PRR14L: variants seen among roughly 807,000 people sequenced by gnomAD.
PRR14L encodes the protein proline rich 14 like.
In PRR14L, 80 loss-of-function variants were observed where a neutral mutation model predicts 155.0. That is an observed-to-expected ratio of 0.52 (90% CI 0.43 to 0.62). The LOEUF is 0.62. PRR14L is among the 20% of genes least tolerant of loss of function. The pLI is 0.00. For missense variants in PRR14L, 2,469 were observed against 2,548.0 expected (o/e 0.97, Z 0.67); for synonymous variants, 883 against 916.0 (o/e 0.96, Z 0.65).
intron 4 of PRR14L, among the ~76,000 whole-genome samples, chr22:31,708,930 G>A (rs2074606221): frequency 6.6e-6 from 1 of 151,922 alleles, no homozygotes; most frequent in South Asian, 2.1e-4. Context: ...GGGTTTAAGT[G>A]ATTCTCCTGC....
In PRR14L at chr22:31,713,717, C is replaced by A; in HGVS notation, c.4122G>T (p.Gln1374His). The part of the protein sequence containing the change: ...GDGDPVSNIS[Q>H]THFKCRGILN... ...GTATCCCCCGGCATTTAAAATGGGT[C>A]TGAGAGATGTTGCTCACGGGATCGC... Residue 1374 changes from glutamine to histidine, a missense_variant, in exon 4 of 9, where the codon CAG becomes CAT. This residue lies in a region of PRR14L where 2,363 missense variants were observed against 2,371.6 expected (regional missense o/e 1.00). Coordinates refer to ENST00000327423, the MANE Select transcript of PRR14L (RefSeq NM_173566.3). The A allele has an allele frequency of 6.4e-7, 1 of 1,552,316 alleles. No homozygotes were observed. The highest frequency in any genetic ancestry group is 8.7e-7 in the Non-Finnish European group (1 of 1,147,144).
chr22:31,703,907 C>A (rs777499925), intron 5 of PRR14L, among the ~76,000 whole-genome samples, 186 bp from the exon 6 acceptor site: 1 of 151,808 alleles, frequency 6.6e-6, no homozygotes, highest in East Asian at 1.9e-4. Flanking sequence ...AAGCAATTCT[C>A]CTGCCTCAGC....
At chr22:31,695,533 C>G (rs1031846389) in intron 7 of PRR14L, among the ~76,000 whole-genome samples, 1 of 152,184 alleles carries the variant, frequency 6.6e-6, no homozygotes, top group Non-Finnish European at 1.5e-5. Context: ...GGCTTCCCAA[C>G]ACGCATAGGG....
chr22:31,749,114 T>A (rs1188084593), intron 1 of PRR14L, among the ~76,000 whole-genome samples: 1 of 152,244 alleles, frequency 6.6e-6, no homozygotes. Context: ...AACTAGTATT[T>A]ACACAAATGC....
In PRR14L at chr22:31,725,591, G is replaced by A. The variant is rs766179162; in HGVS notation, c.494C>T (p.Ser165Phe). 2.6e-6 allele frequency: 4 copies of A among 1,550,670 alleles called. No individual in the cohort carries two copies. The highest frequency in any genetic ancestry group is 1.7e-4 in the Middle Eastern group (1 of 5,990). Residue 165 changes from serine to phenylalanine, a missense_variant, in exon 3 of 9, where the codon TCC (serine) becomes TTC (phenylalanine). Physicochemically the swap from Ser to Phe is radical, Grantham distance 155. This residue lies in a region of PRR14L where 2,363 missense variants were observed against 2,371.6 expected (regional missense o/e 1.00). Coordinates refer to ENST00000327423, the MANE Select transcript of PRR14L (RefSeq NM_173566.3). ...SPSQEDLLMQ[S>F]SKELSHVDLP... ...GTCCACATGTGAAAGTTCTTTGCTG[G>A]ACTGCATCAGGAGATCCTCCTACAG...
chr22:31,717,927 T>C (rs2074669003), intron 3 of PRR14L, among the ~76,000 whole-genome samples: 1 of 132,200 alleles, frequency 7.6e-6, no homozygotes, highest in African/African-American at 3.0e-5. Flanking sequence ...CCCCAGCTAA[T>C]TTTTTTTTTT....
chr22:31,718,051 C>T (rs1443361315), intron 3 of PRR14L, among the ~76,000 whole-genome samples: 1 of 151,522 alleles, frequency 6.6e-6, no homozygotes, highest in African/African-American at 2.4e-5. Flanking sequence ...CTTCAGCCTC[C>T]TGAGTAGCTG....
In PRR14L at chr22:31,715,006, A is replaced by G; in HGVS notation, c.2833T>C (p.Ser945Pro). Residue 945 changes from serine (S) to proline (P), a missense_variant, in exon 4 of 9, where the codon TCT (serine) becomes CCT (proline). Ser to Pro is a moderately conservative substitution (Grantham distance 74). Coordinates refer to ENST00000327423, the MANE Select transcript of PRR14L (RefSeq NM_173566.3). ...IPGPEKVLDQSPTVMFSSFKN... is the reference protein window; with the variant it reads ...IPGPEKVLDQPPTVMFSSFKN... ...AAACTGGAGAACATAACAGTAGGAG[A>G]CTGGTCCAACACTTTTTCAGGACCT... The G allele has an allele frequency of 1.9e-6, 3 of 1,552,058 alleles. No homozygotes were observed.
chr22:31,723,512 A>G lies in PRR14L; in HGVS notation c.547+2026T>C, dbSNP rs573441157. ...GGTAAGATGTGGGTGAAAATATACCAAAGACTGAATACAGCAATACTGGAG... is the reference window on the plus strand; with the variant it reads ...GGTAAGATGTGGGTGAAAATATACCGAAGACTGAATACAGCAATACTGGAG... On this transcript the variant is annotated intron_variant, in intron 3 of 8. Coordinates refer to ENST00000327423, the MANE Select transcript of PRR14L (RefSeq NM_173566.3). Among the ~76,000 whole-genome samples, 13 of 152,348 alleles carry G rather than the reference A, an allele frequency of 8.5e-5. No homozygotes were observed. In the East Asian group the frequency reaches 2.3e-3, roughly 27 times the overall value.
At chr22:31,709,791 G>A (rs992926083) in intron 4 of PRR14L, among the ~76,000 whole-genome samples, 8 of 150,558 alleles carry the variant, frequency 5.3e-5, no homozygotes, top group Admixed American at 1.3e-4. Context: ...TCTGCCGGCC[G>A]CAGCCTCCCA....
At position 31,715,735 on chromosome 22, in the gene PRR14L, C is replaced by G. The variant is rs2074654662; in HGVS notation, c.2104G>C (p.Ala702Pro). 6.4e-7 allele frequency: 1 copy of G among 1,552,230 alleles called. No homozygotes were observed. The highest frequency in any genetic ancestry group is 8.7e-7 in the Non-Finnish European group (1 of 1,147,096). The change falls in exon 4 of 9, where the codon GCT (alanine) becomes CCT (proline). Residue 702 changes from alanine (A) to proline (P), a missense_variant. By Grantham distance (27) the Ala-to-Pro change is conservative (BLOSUM62 -1). Transcript: ENST00000327423. Reference sequence around the variant, plus strand: ...TGAATGGGAATGGTTTGTATATCAGCAATGACATCTGCTCTACCCTCTAAT... The same window carrying G: ...TGAATGGGAATGGTTTGTATATCAGGAATGACATCTGCTCTACCCTCTAAT... ...PPLEGRADVIADIQTIPIQTK... is the reference protein window; with the variant it reads ...PPLEGRADVIPDIQTIPIQTK...
chr22:31,733,484 TA>T lies in PRR14L; in HGVS notation c.474+4902del, dbSNP rs1369794691. ...TGCGCCCAGCTGATTTCTGTATTTT[TA>T]GTAGAGACAGGCTTTCACCATGTTG... On this transcript the variant is annotated intron_variant, in intron 2 of 8. Coordinates refer to ENST00000327423, the MANE Select transcript of PRR14L (RefSeq NM_173566.3). 7.3e-5 allele frequency among the ~76,000 whole-genome samples: 11 copies of T among 151,094 alleles called. 1 individual carries two copies. The South Asian group carries it at 2.1e-3, about 29-fold the overall frequency.
chr22:31,745,708 G>T (rs1476960395), intron 1 of PRR14L, among the ~76,000 whole-genome samples: 1 of 151,794 alleles, frequency 6.6e-6, no homozygotes, highest in Non-Finnish European at 1.5e-5. Context: ...TTAGCTGGGC[G>T]TGGTGGCAGG....
chr22:31,722,615 G>A (rs1304650514), intron 3 of PRR14L, among the ~76,000 whole-genome samples: 5 of 150,130 alleles, frequency 3.3e-5, no homozygotes, highest in Admixed American at 1.3e-4. Context: ...CTCCACCTCC[G>A]GGGTTCACAC....
At chr22:31,723,274 T>C (rs2074700892) in intron 3 of PRR14L, among the ~76,000 whole-genome samples, 1 of 152,168 alleles carries the variant, frequency 6.6e-6, no homozygotes, top group Non-Finnish European at 1.5e-5. Context: ...TATTAGAACA[T>C]GAAGAAAAGT....
At chr22:31,721,657 T>C (rs1466225904) in intron 3 of PRR14L, among the ~76,000 whole-genome samples, 2 of 152,058 alleles carry the variant, frequency 1.3e-5, no homozygotes, top group South Asian at 2.1e-4. Flanking sequence ...CTTACAATTA[T>C]CTATTACATA....
At chr22:31,702,229 T>G (rs1344292527) in intron 6 of PRR14L, among the ~76,000 whole-genome samples, 1 of 151,994 alleles carries the variant, frequency 6.6e-6, no homozygotes, top group Admixed American at 6.6e-5. Context: ...TTTTATTATT[T>G]ATTTATTTTT....
chr22:31,714,645 G>A lies in PRR14L; in HGVS notation c.3194C>T (p.Ala1065Val). The A allele has an allele frequency of 6.4e-7, 1 of 1,552,080 alleles. No individual in the cohort carries two copies. The highest frequency in any genetic ancestry group is 8.7e-7 in the Non-Finnish European group (1 of 1,147,084). The part of the protein sequence containing the change: ...IVYTDCSNKL[A>V]EGVLDVKASN... ...TGCCTTCACGTCCAGCACACCTTCT[G>A]CAAGCTTATTACTACAGTCCGTGTA... The change falls in exon 4 of 9, where the codon GCA becomes GTA. Residue 1065 changes from alanine to valine, a missense_variant. By Grantham distance (64) the Ala-to-Val change is moderately conservative. Transcript: ENST00000327423.
chr22:31,710,613 C>A (rs1282104345), intron 4 of PRR14L, among the ~76,000 whole-genome samples: 1 of 151,840 alleles, frequency 6.6e-6, no homozygotes, highest in Admixed American at 6.6e-5. Flanking sequence ...CCACTATGCC[C>A]GGCTAATTTT....
Sources: gnomAD v4.1 joint callset for allele counts (sites outside exome capture counted in the v4.1 genomes callset) on GRCh38, gnomAD v4.1.1 for gene constraint, gnomAD v4.1.1 regional missense constraint, MANE v1.5 for transcripts, NCBI Gene and HGNC (gene_info 2026-07-23, HGNC 2026-07-21) for gene names.